The following PLEKHG1 variants were observed in gnomAD, a reference collection of about 807,000 sequenced individuals.
The protein encoded by PLEKHG1 is pleckstrin homology domain-containing family G member 1.
Under a neutral mutation model 100.8 loss-of-function variants are expected in PLEKHG1, and 44 were observed. The ratio of observed to expected loss-of-function variants is 0.44; its 90% CI spans 0.34 to 0.56. The LOEUF (loss-of-function observed/expected upper bound fraction) is 0.56. Ranked by LOEUF, PLEKHG1 falls within the 20% of genes least tolerant of loss-of-function variation. PLEKHG1 has a pLI of 0.01. For synonymous variants in PLEKHG1, 640 were observed against 662.5 expected, an observed-to-expected ratio of 0.97 and a Z score of 0.52; for missense variants, 1,545 against 1,720.9, an observed-to-expected ratio of 0.90 and a Z score of 1.81.
In PLEKHG1 at chr6:150,635,110, G is replaced by A. The variant is rs9478774; in HGVS notation, c.-203-2970G>A. Among the ~76,000 whole-genome samples, 5 of 152,222 alleles carry A rather than the reference G, an allele frequency of 3.3e-5. No individual in the cohort carries two copies. The South Asian group carries it at 6.2e-4, about 19-fold the overall frequency. On this transcript the variant is annotated intron_variant, in intron 1 of 3. Coordinates refer to the PLEKHG1 transcript ENST00000367326. ...GACAGATATGGTTCCTACCCTTCAC[G>A]GGCTTATCACAGAATGCTTTGACTT...
At position 150,734,194 on chromosome 6, in the gene PLEKHG1, G is replaced by T. The variant is rs761963101; in HGVS notation, c.411+102G>T. 9.6e-6 allele frequency: 11 copies of T among 1,146,630 alleles called. No individual in the cohort carries two copies. The East Asian group carries it at 2.4e-4, about 25-fold the overall frequency. 71.0% of individuals were successfully genotyped at this position (1,146,630 alleles called of 1,614,324 possible). On this transcript the variant is annotated intron_variant, in intron 2 of 15. Transcript: ENST00000358517. ...GTGTAGGGGATGTCTTCTAAGAGGC[G>T]GAAGGGATGTGAATGTTTAAAGAGA...
chr6:150,666,102 T>G (rs566424955), intron 3 of PLEKHG1, among the ~76,000 whole-genome samples: 18 of 152,322 alleles, frequency 1.2e-4, no homozygotes, highest in Non-Finnish European at 2.1e-4. Flanking sequence ...CAGAAATATG[T>G]GGTTTCTTCT....
upstream of PLEKHG1, among the ~76,000 whole-genome samples, chr6:150,716,740 G>A (rs1320736315): frequency 6.6e-6 from 1 of 152,200 alleles, no homozygotes. Context: ...ACACTACTGT[G>A]GCAGTGGCTC....
At chr6:150,713,893 G>GC (rs1173949697) in intron 3 of PLEKHG1, among the ~76,000 whole-genome samples, 1 of 152,206 alleles carries the variant, frequency 6.6e-6, no homozygotes, top group African/African-American at 2.4e-5. Context: ...AAATTCCTTT[G>GC]CAAGCCTCCG....
intron 1 of PLEKHG1, among the ~76,000 whole-genome samples, chr6:150,601,885 G>A (rs1220246409): frequency 6.6e-6 from 1 of 152,126 alleles, no homozygotes; most frequent in Non-Finnish European, 1.5e-5. Flanking sequence ...CTGAATTAGG[G>A]GCACCAGCTT....
intron 2 of PLEKHG1, among the ~76,000 whole-genome samples, chr6:150,766,221 T>C (rs895889264): frequency 6.6e-6 from 1 of 152,230 alleles, no homozygotes; most frequent in Non-Finnish European, 1.5e-5. Flanking sequence ...GGAGAATAAT[T>C]GTTTTCAGTG....
intron 3 of PLEKHG1, among the ~76,000 whole-genome samples, chr6:150,774,620 C>A (rs1784867173): frequency 7.0e-6 from 1 of 142,388 alleles, no homozygotes; most frequent in Non-Finnish European, 1.5e-5. Flanking sequence ...TGGGTCACTG[C>A]AGCCTCCATC....
Position 150,809,149 on chromosome 6 carries a change from C to T in PLEKHG1, c.957C>T (p.Thr319=), listed in dbSNP as rs1437008661. 4 of 1,613,814 alleles carry T rather than the reference C, an allele frequency of 2.5e-6. No individual in the cohort carries two copies. The Admixed American group carries it at 6.7e-5, about 27-fold the overall frequency. Residue 319 remains threonine, a synonymous_variant, in exon 8 of 16, where the codon ACC becomes ACT. Coordinates refer to ENST00000358517, the Ensembl canonical transcript of PLEKHG1. ...CTAACTGGAAGGGGCCAGACCTGAC[C>T]AGCTACGGGGAACTGGTGCTTGAGG...
upstream of PLEKHG1, among the ~76,000 whole-genome samples, chr6:150,718,026 C>T (rs111998171): frequency 0.012 from 1,790 of 152,120 alleles, 32 homozygotes; most frequent in African/African-American, 0.04. Context: ...TGCAGTAGGC[C>T]GAGATAGTGA....
intron 14 of PLEKHG1, among the ~76,000 whole-genome samples, chr6:150,828,710 G>A (rs1776749418): frequency 6.6e-6 from 1 of 151,830 alleles, no homozygotes. Flanking sequence ...TCTTAGGAAG[G>A]ATCACTTTTG....
chr6:150,804,155 T>TTATATATATATATATATA lies in PLEKHG1; in HGVS notation c.781-451_781-434dup. On this transcript the variant is annotated intron_variant, in intron 6 of 15. Coordinates refer to ENST00000358517, the Ensembl canonical transcript of PLEKHG1. ...AGAATGATGCTGGTGTGTAAATATT[T>TTATATATATATATATATA]TATATATATATATATATATATTTTT... 4.7e-3 allele frequency among the ~76,000 whole-genome samples: 141 copies of TTATATATATATATATATA among 30,204 alleles called. 4 individuals are homozygous for TTATATATATATATATATA. The highest frequency in any genetic ancestry group is 8.2e-3 in the South Asian group (6 of 728). 19.8% of individuals were successfully genotyped at this position (30,204 alleles called of 152,430 possible). A position where few individuals can be genotyped will look rare whatever the true frequency, so the allele number is the denominator to read the frequency against.
At chr6:150,823,504 A>G (rs1334641893) in intron 13 of PLEKHG1, 150 bp from the exon 15 acceptor site, 1 of 593,320 alleles carries the variant, frequency 1.7e-6, no homozygotes, top group Non-Finnish European at 3.0e-6. Context: ...GCTGACAGGG[A>G]TTTTCTGAAA....
chr6:150,840,420 G>A (rs1416586697), exon 16 of PLEKHG1: 2 of 1,614,116 alleles, frequency 1.2e-6, no homozygotes, highest in Non-Finnish European at 1.7e-6. Flanking sequence ...AGATATTGCT[G>A]ACTCGCATCA....
At position 150,775,829 on chromosome 6, in the gene PLEKHG1, A is replaced by G. The variant is rs192160711; in HGVS notation, c.512+7091A>G. ...CACCAAAATGTCTGACTTCTGCACA[A>G]TGGTAGAGATATTTTTACCCACGCT... On this transcript the variant is annotated intron_variant, in intron 3 of 15. Transcript: ENST00000358517. 7.2e-5 allele frequency among the ~76,000 whole-genome samples: 11 copies of G among 152,262 alleles called. No individual in the cohort carries two copies. In the East Asian group the frequency reaches 1.9e-3, roughly 27 times the overall value.
chr6:150,773,771 T>G (rs1430162024), intron 3 of PLEKHG1, among the ~76,000 whole-genome samples: 1 of 152,240 alleles, frequency 6.6e-6, no homozygotes, highest in Non-Finnish European at 1.5e-5. Flanking sequence ...GCATTAAATT[T>G]TATAGATTAA....
At chr6:150,755,927 G>A (rs12662499) in intron 2 of PLEKHG1, among the ~76,000 whole-genome samples, 21,272 of 151,896 alleles carry the variant, frequency 0.14, 168 homozygotes, top group African/African-American at 0.3. Context: ...TCCATCTTGT[G>A]GTAGATAGAA....
At chr6:150,690,098 C>G (rs558979663) in intron 3 of PLEKHG1, among the ~76,000 whole-genome samples, 67 of 152,218 alleles carry the variant, frequency 4.4e-4, no homozygotes, top group African/African-American at 1.5e-3. Flanking sequence ...CTTTAGTGAC[C>G]TTTTGATGGT....
chr6:150,807,142 C>G (rs567315343), intron 7 of PLEKHG1, among the ~76,000 whole-genome samples: 12 of 152,276 alleles, frequency 7.9e-5, no homozygotes, highest in Admixed American at 4.6e-4. Flanking sequence ...TATAATTCTT[C>G]TAATTTATTA....
At chr6:150,822,150 C>CAAAAAA (rs58672381) in intron 13 of PLEKHG1, among the ~76,000 whole-genome samples, 631 of 36,844 alleles carry the variant, frequency 0.017, 9 homozygotes, top group Middle Eastern at 0.075. Context: ...CCAAAGGACT[C>CAAAAAA]AAAAAAAAAA....
Sources: gnomAD v4.1 joint callset for allele counts (sites outside exome capture counted in the v4.1 genomes callset) on GRCh38, gnomAD v4.1.1 for gene constraint, MANE v1.5 for transcripts, NCBI Gene and HGNC (gene_info 2026-07-23, HGNC 2026-07-21) for gene names.